The following GPR155 variants were observed in gnomAD, a reference collection of about 807,000 sequenced individuals.
The protein encoded by GPR155 is lysosomal cholesterol signaling protein.
Under a neutral mutation model 93.1 loss-of-function variants are expected in GPR155, and 65 were observed. The ratio of observed to expected loss-of-function variants is 0.70; its 90% CI spans 0.57 to 0.86. The LOEUF is 0.86. Ranked by LOEUF, GPR155 falls within the 40% of genes least tolerant of loss-of-function variation. The pLI, the probability that GPR155 is intolerant of heterozygous loss-of-function variation, is 0.00. For missense variants in GPR155, 838 were observed against 1,034.8 expected, an observed-to-expected ratio of 0.81 and a Z score of 2.61; for synonymous variants, 319 against 360.1, an observed-to-expected ratio of 0.89 and a Z score of 1.29.
intron 11 of GPR155, among the ~76,000 whole-genome samples, chr2:174,447,881 T>C (rs1378041661): frequency 6.7e-6 from 1 of 149,552 alleles, no homozygotes; most frequent in Non-Finnish European, 1.5e-5. Flanking sequence ...TAAAATTATA[T>C]ACATATAATT....
At chr2:174,486,100 C>T (rs1257043829) in intron 1 of GPR155, among the ~76,000 whole-genome samples, 1 of 152,158 alleles carries the variant, frequency 6.6e-6, no homozygotes, top group African/African-American at 2.4e-5. Flanking sequence ...ATCCTTTATC[C>T]CGTGGGATAA....
intron 9 of GPR155, 47 bp downstream of exon 9, chr2:174,461,354 TA>T: frequency 8.5e-7 from 1 of 1,169,994 alleles, no homozygotes; most frequent in Non-Finnish European, 1.3e-6. Flanking sequence ...CATAACGAGC[TA>T]AAAAGAGACA....
In GPR155 at chr2:174,436,358, T is replaced by G. The variant is rs200503638; in HGVS notation, c.2371A>C (p.Ile791Leu). 3.1e-6 allele frequency: 5 copies of G among 1,614,198 alleles called. No individual in the cohort carries two copies. The African/African-American group carries it at 6.7e-5, about 22-fold the overall frequency. The change falls in exon 16 of 16, where the codon ATT (isoleucine) becomes CTT (leucine). Residue 791 changes from isoleucine to leucine, a missense_variant. Physicochemically the swap from Ile to Leu is conservative, Grantham distance 5. Coordinates refer to ENST00000392552, the MANE Select transcript of GPR155 (RefSeq NM_152529.7). The stretch of plus-strand genomic sequence containing the variant: ...CGGTCGGAGGCAAGGCCGACTTCAA[T>G]TAGCCAGCTCACCAGGTCACAGCCA... ...FCGCDLVSWL[I>L]EVGLASDRGE...
chr2:174,454,199 G>A (rs529701321), intron 10 of GPR155, among the ~76,000 whole-genome samples: 56 of 152,126 alleles, frequency 3.7e-4, no homozygotes, highest in African/African-American at 1.3e-3. Flanking sequence ...GTGCAGTGGC[G>A]CAATCTCGGC....
chr2:174,480,043 T>A (rs997898344), intron 2 of GPR155, among the ~76,000 whole-genome samples: 1 of 152,210 alleles, frequency 6.6e-6, no homozygotes, highest in Non-Finnish European at 1.5e-5. Flanking sequence ...TTAAATAGAA[T>A]CTTTTTGGTA....
At chr2:174,457,907 C>T (rs1162583919) in intron 10 of GPR155, among the ~76,000 whole-genome samples, 1 of 152,162 alleles carries the variant, frequency 6.6e-6, no homozygotes, top group African/African-American at 2.4e-5. Context: ...TGTACCACCA[C>T]ATCCAGCTAA....
chr2:174,482,149 A>G (rs552456121), intron 1 of GPR155, among the ~76,000 whole-genome samples, 162 bp from the exon 2 acceptor site: 2 of 152,222 alleles, frequency 1.3e-5, no homozygotes, highest in South Asian at 4.2e-4. Context: ...TATACATACC[A>G]TCAGGGAAAA....
rs61735115 is a variant in GPR155 at position 174,473,208 on chromosome 2, A to G, written c.617T>C (p.Ile206Thr). 673 of 1,613,822 alleles carry G rather than the reference A, an allele frequency of 4.2e-4. 19 individuals carry two copies. In the African/African-American group the frequency reaches 6.8e-3, roughly 16 times the overall value. The change falls in exon 3 of 16, where the codon ATT (isoleucine) becomes ACT (threonine). Residue 206 changes from isoleucine to threonine, a missense_variant. Ile to Thr is a moderately conservative substitution (Grantham distance 89). Coordinates refer to ENST00000392552, the MANE Select transcript of GPR155 (RefSeq NM_152529.7). ...TQNASQNKIK[I>T]VGLGLLRVLQ... ...TACACGCAGGAGTCCGAGTCCCACAATTTTTATTTTATTTTGAGAAGCATT... is the reference window on the plus strand; with the variant it reads ...TACACGCAGGAGTCCGAGTCCCACAGTTTTTATTTTATTTTGAGAAGCATT...
Position 174,433,141 on chromosome 2 carries a change from A to G in GPR155, c.*2975T>C, listed in dbSNP as rs1686685028. On this transcript the variant is annotated 3_prime_UTR_variant, in exon 16 of 16. Transcript: ENST00000392552. Reference sequence around the variant, plus strand: ...TCTAACCCTATAAATTATTTTATAAATAACTTTTTTACATGAGACACTTAA... The same window carrying G: ...TCTAACCCTATAAATTATTTTATAAGTAACTTTTTTACATGAGACACTTAA... 6.6e-6 allele frequency: 1 copy of G among 152,186 alleles called. No homozygotes were observed. The highest frequency in any genetic ancestry group is 1.5e-5 in the Non-Finnish European group (1 of 68,036). 9.4% of individuals were successfully genotyped at this position (152,186 alleles called of 1,614,324 possible).
intron 12 of GPR155, among the ~76,000 whole-genome samples, chr2:174,445,847 T>A (rs1022545399): frequency 6.6e-6 from 1 of 152,176 alleles, no homozygotes; most frequent in Non-Finnish European, 1.5e-5. Context: ...TGAAAATTAT[T>A]TTTTAAAGTT....
chr2:174,484,579 A>G (rs928850505), intron 1 of GPR155, among the ~76,000 whole-genome samples: 1 of 152,248 alleles, frequency 6.6e-6, no homozygotes, highest in Non-Finnish European at 1.5e-5. Flanking sequence ...TTATCAACTC[A>G]TAAGTTACTT....
intron 1 of GPR155, among the ~76,000 whole-genome samples, chr2:174,484,711 G>C (rs779635732): frequency 6.6e-6 from 1 of 152,172 alleles, no homozygotes; most frequent in Non-Finnish European, 1.5e-5. Flanking sequence ...CAGGTGGACT[G>C]TGTGAGCCCA....
At position 174,465,848 on chromosome 2, in the gene GPR155, CA is replaced by C; in HGVS notation, c.1320del (p.Phe440LeufsTer25). ...AGAACAAACACCAAAATTTGTCCAA[CA>C]AAATTTTTTTCTTTAACAAAATTCC... ...MIWNFVKEKN[F>X]VGQILVFVLL... is the part of the protein sequence containing the mutation. On this transcript the variant is annotated frameshift_variant, in exon 7 of 16. Coordinates refer to ENST00000392552, the MANE Select transcript of GPR155 (RefSeq NM_152529.7). LOFTEE classifies it high-confidence loss of function. 6.2e-7 allele frequency: 1 copy of C among 1,608,852 alleles called. No individual in the cohort carries two copies. The highest frequency in any genetic ancestry group is 8.5e-7 in the Non-Finnish European group (1 of 1,176,084).
chr2:174,459,550 G>A (rs1161973359), intron 10 of GPR155, among the ~76,000 whole-genome samples: 1 of 152,190 alleles, frequency 6.6e-6, no homozygotes, highest in Non-Finnish European at 1.5e-5. Context: ...GCATGTAGCA[G>A]TTTCTTTATA....
chr2:174,462,027 C>T (rs776151546), intron 7 of GPR155, among the ~76,000 whole-genome samples: 3 of 152,084 alleles, frequency 2.0e-5, no homozygotes, highest in African/African-American at 7.2e-5. Context: ...CCTTGACCTC[C>T]AGGGTTCAAG....
chr2:174,467,734 T>TA (rs1271421967), intron 5 of GPR155, among the ~76,000 whole-genome samples: 5 of 152,302 alleles, frequency 3.3e-5, no homozygotes, highest in African/African-American at 1.2e-4. Context: ...TTAATCATCT[T>TA]ACATTCTTCA....
In GPR155 at chr2:174,446,232, G is replaced by A. The variant is rs569425707; in HGVS notation, c.2013+379C>T. Among the ~76,000 whole-genome samples, 10 of 148,026 alleles carry A rather than the reference G, an allele frequency of 6.8e-5. No individual in the cohort carries two copies. In the South Asian group the frequency reaches 1.3e-3, roughly 19 times the overall value. ...TGAAGCAGGAGAATCGCTTGAACCCGGGAGGCAGAGGTTGCAGTGAGCTGA... is the reference window on the plus strand; with the variant it reads ...TGAAGCAGGAGAATCGCTTGAACCCAGGAGGCAGAGGTTGCAGTGAGCTGA... On this transcript the variant is annotated intron_variant, in intron 12 of 15. Coordinates refer to ENST00000392552, the MANE Select transcript of GPR155 (RefSeq NM_152529.7).
At chr2:174,475,466 A>C (rs1009867284) in intron 2 of GPR155, among the ~76,000 whole-genome samples, 3 of 151,782 alleles carry the variant, frequency 2.0e-5, no homozygotes, top group Non-Finnish European at 4.4e-5. Flanking sequence ...TAACCTTTAG[A>C]AGGTCACCTT....
At position 174,481,514 on chromosome 2, in the gene GPR155, G is replaced by A; in HGVS notation, c.443C>T (p.Ala148Val). ...PIFATQSNDF[A>V]LGYPIVEALY... is the part of the protein sequence containing the mutation. ...TAACTTACCTATAGGGTATCCCAAT[G>A]CAAAGTCATTACTTTGTGTAGCAAA... The change falls in exon 2 of 16, where the codon GCA (alanine) becomes GTA (valine). Residue 148 changes from alanine (A) to valine (V), a missense_variant. Physicochemically the swap from Ala to Val is moderately conservative, Grantham distance 64 (BLOSUM62 0). Coordinates refer to ENST00000392552, the MANE Select transcript of GPR155 (RefSeq NM_152529.7). The A allele has an allele frequency of 6.3e-7, 1 of 1,598,710 alleles. No homozygotes were observed. Among genetic ancestry groups the A allele is most frequent in the Middle Eastern group, 2.2e-4 (1 of 4,564 alleles).
Sources: gnomAD v4.1 joint callset for allele counts (sites outside exome capture counted in the v4.1 genomes callset) on GRCh38, gnomAD v4.1.1 for gene constraint, MANE v1.5 for transcripts, NCBI Gene and HGNC (gene_info 2026-07-23, HGNC 2026-07-21) for gene names.